The following IL1RAPL2 variants were observed in gnomAD, a reference collection of about 807,000 sequenced individuals.
The protein encoded by IL1RAPL2 is interleukin 1 receptor accessory protein like 2.
IL1RAPL2 carries 3 observed loss-of-function variants against 44.1 expected under a neutral mutation model. The ratio of observed to expected loss-of-function variants is 0.07; its 90% CI spans 0.03 to 0.18. The LOEUF (loss-of-function observed/expected upper bound fraction) is 0.18. Among genes scored for constraint, IL1RAPL2 ranks in the 10% least tolerant of loss-of-function variants. The probability of loss-of-function intolerance (pLI) is 1.00; values close to 1 mark genes in which losing one functional copy is unlikely to be tolerated. For synonymous variants in IL1RAPL2, 181 were observed against 178.8 expected, an observed-to-expected ratio of 1.01 and a Z score of -0.10; for missense variants, 391 against 496.4, an observed-to-expected ratio of 0.79 and a Z score of 2.02.
intron 5 of IL1RAPL2, among the ~76,000 whole-genome samples, chrX:105,332,961 A>G (rs776908277): frequency 7.2e-5 from 8 of 111,733 alleles, no homozygotes; most frequent in African/African-American, 2.3e-4. Flanking sequence ...TACAGATTCA[A>G]TGTAATCCTA....
chrX:104,882,021 T>C (rs1376742660), intron 2 of IL1RAPL2, among the ~76,000 whole-genome samples: 1 of 112,378 alleles, frequency 8.9e-6, no homozygotes, highest in African/African-American at 3.2e-5. Context: ...TTCTACCATG[T>C]TCAAAGTCAT....
intron 5 of IL1RAPL2, among the ~76,000 whole-genome samples, chrX:105,450,121 A>G (rs2036009208): frequency 8.9e-6 from 1 of 112,136 alleles, no homozygotes; most frequent in Non-Finnish European, 1.9e-5. Flanking sequence ...GGCTATGGGT[A>G]GTCCAAATGC....
intron 2 of IL1RAPL2, among the ~76,000 whole-genome samples, chrX:105,024,182 C>T: frequency 9.0e-6 from 1 of 111,638 alleles, no homozygotes; most frequent in Non-Finnish European, 1.9e-5. Context: ...CTGCATCTAA[C>T]AGTTCACTTA....
chrX:104,959,587 T>C (rs1219289231), intron 2 of IL1RAPL2, among the ~76,000 whole-genome samples: 1 of 111,720 alleles, frequency 9.0e-6, no homozygotes, highest in Non-Finnish European at 1.9e-5. Context: ...TTATGTGTGC[T>C]TGTTTGACTT....
At chrX:104,741,372 T>G (rs918755648) in intron 2 of IL1RAPL2, among the ~76,000 whole-genome samples, 5 of 111,410 alleles carry the variant, frequency 4.5e-5, no homozygotes, top group African/African-American at 1.6e-4. Context: ...GGGGAAATGA[T>G]GCAATTTACA....
chrX:105,191,364 G>A (rs1027966688), intron 2 of IL1RAPL2, among the ~76,000 whole-genome samples: 1 of 111,858 alleles, frequency 8.9e-6, no homozygotes, highest in African/African-American at 3.3e-5. Context: ...ACAGGCATGC[G>A]CCAACATGCC....
rs991594686 is a variant in IL1RAPL2 at position 105,009,015 on chromosome X, T to C, written c.83-186460T>C. Among the ~76,000 whole-genome samples the C allele has an allele frequency of 1.9e-3, 215 of 112,078 alleles. 1 individual carries two copies. Among genetic ancestry groups the C allele is most frequent in the Middle Eastern group, 9.2e-3 (2 of 217 alleles). On this transcript the variant is annotated intron_variant, in intron 2 of 10. Transcript: ENST00000372582. Reference sequence around the variant, plus strand: ...ATGAAAAACTGCTCATCATCACTGGTCATCAGAGAAATGCAAATCAAAACC... The same window carrying C: ...ATGAAAAACTGCTCATCATCACTGGCCATCAGAGAAATGCAAATCAAAACC...
At chrX:104,636,081 A>G (rs1413784081) in intron 1 of IL1RAPL2, among the ~76,000 whole-genome samples, 1 of 111,919 alleles carries the variant, frequency 8.9e-6, no homozygotes, top group Non-Finnish European at 1.9e-5. Context: ...CTCAGCTGCA[A>G]GTCTGTTGGA....
chrX:104,981,679 C>T (rs925876810), intron 2 of IL1RAPL2, among the ~76,000 whole-genome samples: 4 of 110,820 alleles, frequency 3.6e-5, no homozygotes, highest in Non-Finnish European at 7.6e-5. Flanking sequence ...ATGCTTCCAG[C>T]TTTTGCCCAC....
chrX:105,354,499 T>C (rs1287373331), intron 5 of IL1RAPL2, among the ~76,000 whole-genome samples: 4 of 50,103 alleles, frequency 8.0e-5, no homozygotes, highest in African/African-American at 4.4e-4. Context: ...CCAGTGCCTG[T>C]TGTGGGGTGG....
intron 2 of IL1RAPL2, among the ~76,000 whole-genome samples, chrX:104,734,750 A>G (rs1271339581): frequency 8.9e-6 from 1 of 111,764 alleles, no homozygotes; most frequent in Non-Finnish European, 1.9e-5. Flanking sequence ...TAAAATTCAT[A>G]GAACTATATA....
At chrX:104,865,482 T>G (rs1328953924) in intron 2 of IL1RAPL2, among the ~76,000 whole-genome samples, 1 of 111,321 alleles carries the variant, frequency 9.0e-6, no homozygotes, top group Non-Finnish European at 1.9e-5. Context: ...ATATTGAGTG[T>G]CAACTTAATT....
chrX:105,587,364 T>G (rs2147816905), intron 6 of IL1RAPL2, among the ~76,000 whole-genome samples: 1 of 111,750 alleles, frequency 8.9e-6, no homozygotes, highest in African/African-American at 3.2e-5. Flanking sequence ...CTTTCCAAAG[T>G]TCTGTATTGT....
At chrX:104,617,377 T>C (rs1479767187) in intron 1 of IL1RAPL2, among the ~76,000 whole-genome samples, 2 of 111,826 alleles carry the variant, frequency 1.8e-5, no homozygotes, top group Non-Finnish European at 3.8e-5. Context: ...ATCTTCCAGG[T>C]GTTCTTTGGA....
chrX:104,869,262 A>G (rs1307938094), intron 2 of IL1RAPL2, among the ~76,000 whole-genome samples: 3 of 111,133 alleles, frequency 2.7e-5, no homozygotes, highest in African/African-American at 9.8e-5. Flanking sequence ...ATAGTATACA[A>G]TGTGATGTTT....
intron 2 of IL1RAPL2, among the ~76,000 whole-genome samples, chrX:104,668,147 G>A (rs966111691): frequency 1.8e-5 from 2 of 110,879 alleles, no homozygotes; most frequent in African/African-American, 6.6e-5. Context: ...CATATTTGTT[G>A]AGAAACAAGT....
chrX:104,894,860 C>T (rs1431436526), intron 2 of IL1RAPL2, among the ~76,000 whole-genome samples: 4 of 112,219 alleles, frequency 3.6e-5, no homozygotes, highest in African/African-American at 1.3e-4. Flanking sequence ...GGGAGAGGCA[C>T]TCTGATTTTT....
intron 1 of IL1RAPL2, among the ~76,000 whole-genome samples, chrX:104,636,076 C>T (rs928101747): frequency 1.1e-4 from 12 of 112,337 alleles, no homozygotes; most frequent in Non-Finnish European, 2.1e-4. Context: ...GGACCCTCAG[C>T]TGCAAGTCTG....
chrX:105,302,100 T>A (rs2034701789), intron 5 of IL1RAPL2, among the ~76,000 whole-genome samples: 1 of 112,332 alleles, frequency 8.9e-6, no homozygotes, highest in South Asian at 3.7e-4. Flanking sequence ...TGATCTGCAT[T>A]TCTCTGATGA....
Sources: allele counts gnomAD v4.1 joint callset (sites outside exome capture counted in the v4.1 genomes callset), GRCh38; gene constraint gnomAD v4.1.1; transcripts MANE v1.5; gene names NCBI Gene and HGNC (gene_info 2026-07-23, HGNC 2026-07-21).